INPP4B: variants seen among roughly 807,000 people sequenced by gnomAD.
INPP4B encodes inositol polyphosphate-4-phosphatase type II B, also known as inositol polyphosphate 4-phosphatase type II.
Under a neutral mutation model 122.5 loss-of-function variants are expected in INPP4B, and 55 were observed. The ratio of observed to expected loss-of-function variants is 0.45; its 90% CI spans 0.36 to 0.56. The LOEUF is 0.56. Among genes scored for constraint, INPP4B ranks in the 20% least tolerant of loss-of-function variants. INPP4B has a pLI of 0.00. For missense variants in INPP4B, 1,000 were observed against 1,097.7 expected (o/e 0.91, Z 1.26); for synonymous variants, 403 against 388.7 (o/e 1.04, Z -0.43).
chr4:142,060,324 G>A (rs935872935), intron 25 of INPP4B, among the ~76,000 whole-genome samples: 24 of 152,014 alleles, frequency 1.6e-4, no homozygotes, highest in African/African-American at 5.8e-4. Flanking sequence ...TTGATGCCTA[G>A]AGCCAATTAG....
chr4:142,635,429 T>A (rs1409865430), intron 2 of INPP4B, among the ~76,000 whole-genome samples: 1 of 152,136 alleles, frequency 6.6e-6, no homozygotes, highest in Non-Finnish European at 1.5e-5. Context: ...GCAGCACTAT[T>A]CACAATAGCA....
chr4:142,555,382 T>A (rs6820285), intron 2 of INPP4B, among the ~76,000 whole-genome samples: 3 of 152,128 alleles, frequency 2.0e-5, no homozygotes, highest in Non-Finnish European at 4.4e-5. Flanking sequence ...AGAGCAGCTA[T>A]AGCATTGGAG....
intron 25 of INPP4B, among the ~76,000 whole-genome samples, chr4:142,073,933 C>A (rs1056125127): frequency 4.6e-5 from 7 of 151,938 alleles, no homozygotes; most frequent in African/African-American, 1.7e-4. Context: ...TCTCTCTAAT[C>A]AACTGTAGGT....
At chr4:142,796,634 G>A (rs1284121278) in intron 1 of INPP4B, among the ~76,000 whole-genome samples, 2 of 150,698 alleles carry the variant, frequency 1.3e-5, no homozygotes, top group African/African-American at 5.0e-5. Flanking sequence ...TTATATTCTG[G>A]CACAAAAAAA....
At chr4:142,081,022 G>A (rs540418032) in intron 25 of INPP4B, among the ~76,000 whole-genome samples, 2 of 152,204 alleles carry the variant, frequency 1.3e-5, no homozygotes, top group African/African-American at 2.4e-5. Context: ...AGAGCTCCAC[G>A]GAAGAATGAA....
At chr4:142,130,431 A>G (rs1429014047) in intron 18 of INPP4B, among the ~76,000 whole-genome samples, 1 of 152,150 alleles carries the variant, frequency 6.6e-6, no homozygotes, top group Non-Finnish European at 1.5e-5. Context: ...GAGTCTAGGT[A>G]TAGGCAGTCA....
At chr4:142,284,673 G>A (rs1029565548) in intron 9 of INPP4B, among the ~76,000 whole-genome samples, 1 of 152,070 alleles carries the variant, frequency 6.6e-6, no homozygotes, top group Non-Finnish European at 1.5e-5. Flanking sequence ...AGTGGTCCCA[G>A]AAAGTGGGAG....
intron 2 of INPP4B, among the ~76,000 whole-genome samples, chr4:142,523,598 T>C (rs1285644449): frequency 6.6e-6 from 1 of 152,252 alleles, no homozygotes. Context: ...ACAATGTCCC[T>C]CCTGCATTGC....
intron 1 of INPP4B, among the ~76,000 whole-genome samples, chr4:142,750,630 C>G (rs1156990600): frequency 1.3e-5 from 2 of 152,044 alleles, no homozygotes; most frequent in South Asian, 4.1e-4. Flanking sequence ...TTCAGATCAC[C>G]TGGATGTAAT....
intron 2 of INPP4B, among the ~76,000 whole-genome samples, chr4:142,652,776 A>G (rs572800706): frequency 6.6e-6 from 1 of 152,340 alleles, no homozygotes; most frequent in South Asian, 2.1e-4. Context: ...TTGTGAAAAT[A>G]GCCATATTGC....
At chr4:142,221,849 C>T (rs1011715514) in intron 12 of INPP4B, among the ~76,000 whole-genome samples, 1 of 152,108 alleles carries the variant, frequency 6.6e-6, no homozygotes, top group Non-Finnish European at 1.5e-5. Flanking sequence ...TTTAAATAGC[C>T]ACATGTGGCA....
At chr4:142,500,859 G>T (rs1196652222) in intron 2 of INPP4B, among the ~76,000 whole-genome samples, 4 of 152,122 alleles carry the variant, frequency 2.6e-5, no homozygotes, top group Non-Finnish European at 2.9e-5. Flanking sequence ...TAGAATGGTA[G>T]TTGCCAGGGG....
chr4:142,503,210 G>A (rs1823610067), intron 2 of INPP4B, among the ~76,000 whole-genome samples: 1 of 152,118 alleles, frequency 6.6e-6, no homozygotes, highest in Admixed American at 6.6e-5. Flanking sequence ...ATCTCAAAAT[G>A]AGGGAAGATG....
intron 2 of INPP4B, among the ~76,000 whole-genome samples, chr4:142,505,731 G>A (rs1306830314): frequency 6.6e-6 from 1 of 152,148 alleles, no homozygotes; most frequent in African/African-American, 2.4e-5. Context: ...TCAAGCATAA[G>A]TGATTGGAAA....
At chr4:142,029,393 G>A (rs1738396527) in intron 25 of INPP4B, 16 of 983,256 alleles carry the variant, frequency 1.6e-5, no homozygotes, top group Non-Finnish European at 1.9e-5. Flanking sequence ...GCTGTGCAAG[G>A]AAGAGAGAAA....
chr4:142,177,148 T>C (rs1828698498), intron 15 of INPP4B, among the ~76,000 whole-genome samples: 1 of 152,190 alleles, frequency 6.6e-6, no homozygotes, highest in Non-Finnish European at 1.5e-5. Context: ...TCGGTTGTTC[T>C]GATGAAGTCT....
intron 2 of INPP4B, among the ~76,000 whole-genome samples, chr4:142,602,781 C>T (rs920781684): frequency 7.2e-5 from 11 of 152,132 alleles, no homozygotes; most frequent in South Asian, 6.2e-4. Context: ...ATTAGTTCAA[C>T]CATTGTGGAA....
intron 23 of INPP4B, among the ~76,000 whole-genome samples, chr4:142,100,148 C>T (rs934843390): frequency 1.3e-5 from 2 of 152,082 alleles, no homozygotes; most frequent in Admixed American, 1.3e-4. Context: ...TGTACCATTC[C>T]CATTCTGCTC....
chr4:142,042,516 G>A (rs13116113), intron 25 of INPP4B, among the ~76,000 whole-genome samples: 2,602 of 48,092 alleles, frequency 0.054, 62 homozygotes, highest in African/African-American at 0.08. Context: ...TTATGTGTGT[G>A]TGTATGTATG....
Sources: allele counts gnomAD v4.1 joint callset (sites outside exome capture counted in the v4.1 genomes callset), GRCh38; gene constraint gnomAD v4.1.1; transcripts MANE v1.5; gene names NCBI Gene and HGNC (gene_info 2026-07-23, HGNC 2026-07-21).